Variants in ITGB3BP observed in about 807,000 individuals in gnomAD.
ITGB3BP encodes centromere protein R.
A neutral mutation model predicts 29.1 loss-of-function variants in ITGB3BP; 27 were observed. The ratio of observed to expected loss-of-function variants is 0.93; its 90% CI spans 0.68 to 1.28. The LOEUF (loss-of-function observed/expected upper bound fraction) is 1.28. Among genes scored for constraint, ITGB3BP ranks in the 50% most tolerant of loss-of-function variants. The pLI is 0.00. For synonymous variants in ITGB3BP, 61 were observed against 61.4 expected (o/e 0.99, Z 0.03); for missense variants, 192 against 200.2 (o/e 0.96, Z 0.25).
intron 2 of ITGB3BP, among the ~76,000 whole-genome samples, chr1:63,492,435 T>C (rs1447837800): frequency 6.6e-6 from 1 of 152,142 alleles, no homozygotes; most frequent in East Asian, 1.9e-4. Context: ...GGCATAACCC[T>C]ACTTCCCTAA....
At chr1:63,523,242 A>G, upstream of ITGB3BP, 2 of 1,470,344 alleles carry the variant, frequency 1.4e-6, no homozygotes, top group Non-Finnish European at 1.9e-6. Flanking sequence ...CGCGCGCTGG[A>G]CGTTGCGTCA....
chr1:63,452,156 T>C (rs1644868866), intron 7 of ITGB3BP: 1 of 152,086 alleles, frequency 6.6e-6, no homozygotes, highest in African/African-American at 2.4e-5. Flanking sequence ...ATGAAAAAAG[T>C]TTCCCCTGGA....
intron 2 of ITGB3BP, among the ~76,000 whole-genome samples, chr1:63,504,914 A>C (rs1197871253): frequency 6.6e-6 from 1 of 152,156 alleles, no homozygotes; most frequent in Non-Finnish European, 1.5e-5. Context: ...TCGGTTTGCC[A>C]GTATTTTATT....
intron 4 of ITGB3BP, among the ~76,000 whole-genome samples, chr1:63,472,438 C>T (rs1645215447): frequency 9.4e-6 from 1 of 105,936 alleles, no homozygotes. Flanking sequence ...TCCACCCTCT[C>T]CCTCTCCCTC....
chr1:63,460,348 CT>C (rs1364148987), intron 4 of ITGB3BP, among the ~76,000 whole-genome samples: 2 of 152,292 alleles, frequency 1.3e-5, no homozygotes, highest in African/African-American at 4.8e-5. Context: ...TCCTTTCTAT[CT>C]CTTTGAATTA....
intron 1 of ITGB3BP, among the ~76,000 whole-genome samples, chr1:63,522,363 C>T (rs1344633088): frequency 6.6e-6 from 1 of 152,112 alleles, no homozygotes; most frequent in African/African-American, 2.4e-5. Flanking sequence ...ACAGGTTACA[C>T]TAGAGGGGGT....
intron 1 of ITGB3BP, among the ~76,000 whole-genome samples, chr1:63,518,020 GC>G (rs1646372043): frequency 6.6e-6 from 1 of 152,142 alleles, no homozygotes; most frequent in Non-Finnish European, 1.5e-5. Context: ...ACTGGGCCTG[GC>G]CCCACTTTTT....
intron 3 of ITGB3BP, among the ~76,000 whole-genome samples, chr1:63,485,895 T>C (rs1407113102): frequency 6.6e-6 from 1 of 152,060 alleles, no homozygotes; most frequent in Non-Finnish European, 1.5e-5. Flanking sequence ...ATGATATAAC[T>C]AGATGTGGAT....
rs192533764 is a variant in ITGB3BP at position 63,512,576 on chromosome 1, G to C, written c.6-4006C>G. Among the ~76,000 whole-genome samples the C allele has an allele frequency of 4.7e-4, 71 of 152,236 alleles. 1 individual carries two copies. Among genetic ancestry groups the C allele is most frequent in the African/African-American group, 1.6e-3 (67 of 41,566 alleles). ...GAATGGGGGGTAAAGAATAAACTTA[G>C]TAAAGCAGTTAAGACTCAGGGAGCC... On this transcript the variant is annotated intron_variant, in intron 1 of 8. Coordinates refer to ENST00000271002, the MANE Select transcript of ITGB3BP (RefSeq NM_014288.5).
chr1:63,493,064 A>C (rs970791848), intron 2 of ITGB3BP, among the ~76,000 whole-genome samples: 1 of 117,270 alleles, frequency 8.5e-6, no homozygotes, highest in Non-Finnish European at 1.8e-5. Context: ...TGAGCTGTGG[A>C]TCACACCACA....
intron 1 of ITGB3BP, among the ~76,000 whole-genome samples, chr1:63,513,917 G>A (rs1646255060): frequency 2.6e-5 from 4 of 152,094 alleles, no homozygotes; most frequent in African/African-American, 9.7e-5. Flanking sequence ...ATAGCAAGCA[G>A]CACAAATATT....
intron 2 of ITGB3BP, among the ~76,000 whole-genome samples, chr1:63,494,473 C>A (rs1645740321): frequency 6.6e-6 from 1 of 152,154 alleles, no homozygotes; most frequent in Non-Finnish European, 1.5e-5. Context: ...TTCTAAAAAT[C>A]TTGGGGTTTT....
Position 63,502,846 on chromosome 1 carries a change from T to G in ITGB3BP, c.48+5682A>C, listed in dbSNP as rs184831518. 6.6e-3 allele frequency among the ~76,000 whole-genome samples: 1,006 copies of G among 152,294 alleles called. 1 individual carries two copies. Among genetic ancestry groups the G allele is most frequent in the Non-Finnish European group, 0.011 (776 of 68,034 alleles). ...TGTCCCTACAAAGGACATGAACTCA[T>G]CATTTTTTATGGCTGCATAGTATTC... On this transcript the variant is annotated intron_variant, in intron 2 of 8. Coordinates refer to ENST00000271002, the MANE Select transcript of ITGB3BP (RefSeq NM_014288.5).
chr1:63,468,198 T>G (rs888619716), intron 4 of ITGB3BP, among the ~76,000 whole-genome samples: 1 of 152,204 alleles, frequency 6.6e-6, no homozygotes, highest in African/African-American at 2.4e-5. Context: ...TACTTCCAAT[T>G]TTATAAATTC....
rs777351141 is a variant in ITGB3BP at position 63,523,183 on chromosome 1, A to G, written c.-50T>C. 6.2e-7 allele frequency: 1 copy of G among 1,612,750 alleles called. No individual in the cohort carries two copies. Among genetic ancestry groups the G allele is most frequent in the East Asian group, 2.2e-5 (1 of 44,878 alleles). On this transcript the variant is annotated 5_prime_UTR_variant, in exon 1 of 9. Coordinates refer to ENST00000271002, the MANE Select transcript of ITGB3BP (RefSeq NM_014288.5). The stretch of plus-strand genomic sequence containing the variant: ...GCCGCTGAATAAAACGAACCCAGCA[A>G]CTTCCGAAAACAGAAAATCCGCCAA...
intron 3 of ITGB3BP, among the ~76,000 whole-genome samples, chr1:63,483,050 TAGA>T (rs1645468206): frequency 6.6e-6 from 1 of 152,206 alleles, no homozygotes; most frequent in East Asian, 1.9e-4. Context: ...CATTATTGAA[TAGA>T]AGGTTATCGC....
intron 4 of ITGB3BP, among the ~76,000 whole-genome samples, chr1:63,473,362 C>CCG (rs1228989847): frequency 6.7e-6 from 1 of 149,810 alleles, no homozygotes; most frequent in Non-Finnish European, 1.5e-5. Flanking sequence ...GTCAGCCCCC[C>CCG]GCCCGGCCAG....
intron 1 of ITGB3BP, among the ~76,000 whole-genome samples, chr1:63,519,832 T>C (rs1477086527): frequency 6.6e-6 from 1 of 152,070 alleles, no homozygotes; most frequent in Admixed American, 6.5e-5. Context: ...TTCCCTTATC[T>C]TGGAAAAAAT....
intron 8 of ITGB3BP, 109 bp downstream of exon 8, chr1:63,446,697 T>C (rs1385342086): frequency 1.3e-6 from 1 of 793,268 alleles, no homozygotes; most frequent in Non-Finnish European, 2.1e-6. Context: ...CCCTATTTTC[T>C]TACAGGAAGA....
Sources: allele counts gnomAD v4.1 joint callset (sites outside exome capture counted in the v4.1 genomes callset), GRCh38; gene constraint gnomAD v4.1.1; transcripts MANE v1.5; gene names NCBI Gene and HGNC (gene_info 2026-07-23, HGNC 2026-07-21).